JAK1: variants seen among roughly 807,000 people sequenced by gnomAD.
The protein encoded by JAK1 is tyrosine-protein kinase JAK1.
JAK1 carries 16 observed loss-of-function variants against 136.6 expected under a neutral mutation model. The observed-to-expected ratio is 0.12, with a 90% CI of 0.08 to 0.18. The LOEUF (loss-of-function observed/expected upper bound fraction) is 0.18. Among genes scored for constraint, JAK1 ranks in the 10% least tolerant of loss-of-function variants. The pLI is 1.00. For synonymous variants in JAK1, 492 were observed against 519.5 expected, an observed-to-expected ratio of 0.95 and a Z score of 0.72; for missense variants, 859 against 1,450.1, an observed-to-expected ratio of 0.59 and a Z score of 6.62.
intron 1 of JAK1, among the ~76,000 whole-genome samples, chr1:64,964,588 T>A (rs911218696): frequency 6.6e-6 from 1 of 152,228 alleles, no homozygotes; most frequent in Non-Finnish European, 1.5e-5. Context: ...ATAATTAGTA[T>A]AGTATGAAAT....
Position 64,938,568 on chromosome 1 carries a change from C to T in JAK1, c.-78+27765G>A, listed in dbSNP as rs374371647. ...GTCATGTTTCAGCTTCATTTTATTG[C>T]TCCGCTTCCCTTGACACCAGAACTA... is the stretch of plus-strand genomic sequence containing the variant. On this transcript the variant is annotated intron_variant, in intron 1 of 24. Transcript: ENST00000342505. 2.2e-4 allele frequency among the ~76,000 whole-genome samples: 33 copies of T among 152,340 alleles called. 5 individuals carry two copies. Among genetic ancestry groups the T allele is most frequent in the Middle Eastern group, 3.4e-3 (1 of 294 alleles).
intron 1 of JAK1, among the ~76,000 whole-genome samples, chr1:65,049,415 C>A (rs1233204994): frequency 6.6e-6 from 1 of 152,012 alleles, no homozygotes; most frequent in African/African-American, 2.4e-5. Context: ...GAGTGAGATC[C>A]TGTCTCAAAC....
chr1:65,025,543 C>T (rs190224025), intron 2 of JAK1, among the ~76,000 whole-genome samples: 158 of 152,212 alleles, frequency 1.0e-3, no homozygotes, highest in African/African-American at 3.7e-3. Flanking sequence ...AATAGTTAGC[C>T]AGCAGTAAAA....
upstream of JAK1, among the ~76,000 whole-genome samples, chr1:64,966,732 G>A (rs550285166): frequency 2.0e-5 from 3 of 149,568 alleles, no homozygotes; most frequent in Non-Finnish European, 3.0e-5. Flanking sequence ...TCGCGAAGCT[G>A]CCCCCACTCG....
chr1:64,972,563 T>C (rs1569790796), intron 2 of JAK1: 1 of 152,040 alleles, frequency 6.6e-6, no homozygotes, highest in Non-Finnish European at 1.5e-5. Context: ...TCAAGGCGGG[T>C]GGATCACTTG....
chr1:64,931,559 TC>T (rs1645693178), intron 1 of JAK1, among the ~76,000 whole-genome samples: 1 of 151,890 alleles, frequency 6.6e-6, no homozygotes, highest in Admixed American at 6.6e-5. Flanking sequence ...AGTGGTTGTA[TC>T]CTAGGCAATT....
chr1:64,918,587 C>T (rs1645439241), intron 1 of JAK1: 2 of 171,722 alleles, frequency 1.2e-5, no homozygotes, highest in Non-Finnish European at 2.5e-5. Flanking sequence ...AAAGAATGAC[C>T]CAGGGCCCTG....
chr1:64,878,964 C>G (rs1055469237), intron 4 of JAK1, 61 bp downstream of exon 4: 1 of 1,560,458 alleles, frequency 6.4e-7, no homozygotes, highest in East Asian at 2.3e-5. Flanking sequence ...GGGCTCCAGG[C>G]TGACCACTGT....
chr1:64,976,352 T>C (rs1646497504), intron 2 of JAK1, among the ~76,000 whole-genome samples: 1 of 152,220 alleles, frequency 6.6e-6, no homozygotes, highest in African/African-American at 2.4e-5. Context: ...TGTAGCATCT[T>C]TTTTGGCTAC....
chr1:64,919,341 T>C (rs933296508), intron 1 of JAK1, among the ~76,000 whole-genome samples: 7 of 152,224 alleles, frequency 4.6e-5, no homozygotes, highest in African/African-American at 1.7e-4. Flanking sequence ...ACAAAGGACA[T>C]GAACTCATCG....
In JAK1 at chr1:64,844,199, G is replaced by A. The variant is rs1655083776; in HGVS notation, c.2268C>T (p.Ile756=). Residue 756 remains isoleucine (I), a synonymous_variant, in exon 17 of 25, where the codon ATC becomes ATT. Transcript: ENST00000342505. The surrounding 1 kb of genome is among the most constrained non-coding windows in gnomAD (Gnocchi z 5.7). The stretch of plus-strand genomic sequence containing the variant: ...CAACACACTCAGGAGCAATCCATGG[G>A]ATTCGTTCAATGCATTCTGGAAGAC... ...VLSRQECIER[I]PWIAPECVED... 2 of 1,614,078 alleles carry A rather than the reference G, an allele frequency of 1.2e-6. No individual in the cohort carries two copies. The highest frequency in any genetic ancestry group is 1.7e-6 in the Non-Finnish European group (2 of 1,180,040).
At chr1:64,847,977 A>C (rs531288698) in intron 12 of JAK1, 3 of 293,096 alleles carry the variant, frequency 1.0e-5, no homozygotes, top group Admixed American at 4.8e-5. Context: ...AGGACACTGC[A>C]AACAGGGCCA....
intron 24 of JAK1, 75 bp from the exon 25 acceptor site, chr1:64,834,732 G>A: frequency 2.1e-6 from 2 of 952,522 alleles, no homozygotes; most frequent in Admixed American, 2.2e-5. Context: ...AATATCAAGA[G>A]TAAGAAAATA....
At chr1:64,847,347 C>G (rs1186465533) in intron 13 of JAK1, among the ~76,000 whole-genome samples, 185 bp downstream of exon 13, 1 of 152,064 alleles carries the variant, frequency 6.6e-6, no homozygotes, top group Non-Finnish European at 1.5e-5. Context: ...AGCTGTTCAA[C>G]CCACCTCACT....
chr1:64,998,466 C>T (rs1360474383), intron 2 of JAK1, among the ~76,000 whole-genome samples: 1 of 152,106 alleles, frequency 6.6e-6, no homozygotes. Flanking sequence ...TGTTTTTAGA[C>T]TCATTGAAAG....
At chr1:64,952,425 C>T (rs1344955422) in intron 1 of JAK1, among the ~76,000 whole-genome samples, 1 of 152,146 alleles carries the variant, frequency 6.6e-6, no homozygotes, top group Non-Finnish European at 1.5e-5. Context: ...AACAATTAGG[C>T]ATTTTATATA....
At chr1:64,845,778 A>C in intron 14 of JAK1, 138 bp from the exon 15 acceptor site, 2 of 1,031,064 alleles carry the variant, frequency 1.9e-6, no homozygotes, top group Non-Finnish European at 2.9e-6. Context: ...GCAATGGTGC[A>C]GGGGCTTCAG....
chr1:65,059,214 C>G (rs570117334), intron 1 of JAK1, among the ~76,000 whole-genome samples: 3 of 151,906 alleles, frequency 2.0e-5, no homozygotes, highest in Non-Finnish European at 4.4e-5. Context: ...AACCCATGTC[C>G]AGAACCATGT....
At chr1:64,970,007 A>G (rs1646435817), upstream of JAK1, among the ~76,000 whole-genome samples, 1 of 151,822 alleles carries the variant, frequency 6.6e-6, no homozygotes, top group Admixed American at 6.6e-5. Flanking sequence ...GTGGTGGCAC[A>G]TGCCTGTGGT....
Sources: allele counts gnomAD v4.1 joint callset (sites outside exome capture counted in the v4.1 genomes callset), GRCh38; gene constraint gnomAD v4.1.1; non-coding constraint Gnocchi (gnomAD v3.1); transcripts MANE v1.5; gene names NCBI Gene and HGNC (gene_info 2026-07-23, HGNC 2026-07-21).